The following GTF3C1 variants were observed in gnomAD, a reference collection of about 807,000 sequenced individuals.
GTF3C1 encodes the protein general transcription factor 3C polypeptide 1.
In GTF3C1, 57 loss-of-function variants were observed where a neutral mutation model predicts 226.7. That is an observed-to-expected ratio of 0.25 (90% confidence interval 0.20 to 0.31). GTF3C1 has a LOEUF of 0.31. Ranked by LOEUF, GTF3C1 falls within the 10% of genes least tolerant of loss-of-function variation. The probability of loss-of-function intolerance (pLI) is 1.00; values close to 1 mark genes in which losing one functional copy is unlikely to be tolerated. For missense variants in GTF3C1, 2,217 were observed against 2,776.1 expected (o/e 0.80, Z 4.53); for synonymous variants, 1,090 against 1,084.8 (o/e 1.00, Z -0.09).
At chr16:27,477,802 G>C (rs1196385002) in intron 28 of GTF3C1, among the ~76,000 whole-genome samples, 2 of 152,132 alleles carry the variant, frequency 1.3e-5, no homozygotes, top group Non-Finnish European at 2.9e-5. Flanking sequence ...GCTTACACCT[G>C]TATATTAATC....
Position 27,463,654 on chromosome 16 carries a change from C to T in GTF3C1, c.5873-62G>A. 2 of 896,122 alleles carry T rather than the reference C, an allele frequency of 2.2e-6. No homozygotes were observed. Among genetic ancestry groups the T allele is most frequent in the South Asian group, 1.3e-5 (1 of 76,958 alleles). The allele number at this position is 896,122 out of a possible 1,614,324, so 55.5% of individuals were successfully genotyped here. A position where few individuals can be genotyped will look rare whatever the true frequency, so the allele number is the denominator to read the frequency against. On this transcript the variant is annotated intron_variant, in intron 34 of 36. Transcript: ENST00000356183. The surrounding 1 kb of genome is among the most constrained non-coding windows in gnomAD (Gnocchi z 4.9). ...AGTCAGGGAAGCCATCTCTGCCCTC[C>T]AACCTTCAGCATGGTACCTAGCATG...
chr16:27,548,537 T>G (rs960821662), intron 1 of GTF3C1, among the ~76,000 whole-genome samples: 2 of 152,192 alleles, frequency 1.3e-5, no homozygotes, highest in Admixed American at 6.5e-5. Context: ...AGTACTGGGA[T>G]TGCAGGCATG....
Position 27,489,706 on chromosome 16 carries a change from G to C in GTF3C1, c.3189C>G (p.Ser1063Arg), listed in dbSNP as rs989578742. 4 of 1,612,022 alleles carry C rather than the reference G, an allele frequency of 2.5e-6. No homozygotes were observed. Among genetic ancestry groups the C allele is most frequent in the Non-Finnish European group, 3.4e-6 (4 of 1,179,738 alleles). Reference sequence around the variant, plus strand: ...CCTCCTCGTCGCTGCCCTGGTCTGTGCTGCTGTTCTTCCTGACGCGCGGGC... The same window carrying C: ...CCTCCTCGTCGCTGCCCTGGTCTGTCCTGCTGTTCTTCCTGACGCGCGGGC... The part of the protein sequence containing the change: ...VRCPRVRKNS[S>R]TDQGSDEEGS... Residue 1063 changes from serine to arginine, a missense_variant, in exon 20 of 37, where the codon AGC becomes AGG. By Grantham distance (110) the Ser-to-Arg change is moderately radical (BLOSUM62 -1). This residue lies in a region of GTF3C1 where 353 missense variants were observed against 411.7 expected (regional missense o/e 0.86). Coordinates refer to ENST00000356183, the MANE Select transcript of GTF3C1 (RefSeq NM_001520.4).
intron 28 of GTF3C1, among the ~76,000 whole-genome samples, chr16:27,477,648 G>T (rs138162431): frequency 0.012 from 1,808 of 152,248 alleles, 31 homozygotes; most frequent in African/African-American, 0.041. Context: ...TTATTTTATT[G>T]TAAGAGCACA....
intron 6 of GTF3C1, among the ~76,000 whole-genome samples, chr16:27,524,439 C>T (rs1316805475): frequency 2.0e-5 from 3 of 152,208 alleles, no homozygotes; most frequent in Admixed American, 6.5e-5. Context: ...GTAAGTCTCA[C>T]AATACCCTGG....
chr16:27,489,304 G>T, intron 20 of GTF3C1, 126 bp from the exon 21 acceptor site: 1 of 1,049,452 alleles, frequency 9.5e-7, no homozygotes, highest in Non-Finnish European at 1.4e-6. Flanking sequence ...ACACCCCACA[G>T]GTAGCAATGA....
chr16:27,544,376 C>T (rs1046934779), intron 2 of GTF3C1, among the ~76,000 whole-genome samples: 10 of 151,304 alleles, frequency 6.6e-5, no homozygotes, highest in Non-Finnish European at 1.3e-4. Context: ...CAGAGTGAGA[C>T]TCTGTCTCAA....
At chr16:27,517,530 A>G (rs1464849939) in intron 6 of GTF3C1, among the ~76,000 whole-genome samples, 2 of 152,212 alleles carry the variant, frequency 1.3e-5, no homozygotes, top group Non-Finnish European at 2.9e-5. Context: ...CAGGAACAAA[A>G]GGCAGGTGAG....
chr16:27,520,283 T>A (rs2088725487), intron 6 of GTF3C1, among the ~76,000 whole-genome samples: 1 of 152,020 alleles, frequency 6.6e-6, no homozygotes, highest in Non-Finnish European at 1.5e-5. Context: ...CCCGGCTAAT[T>A]TTTGTATTTT....
chr16:27,532,247 C>A (rs2088927365), intron 5 of GTF3C1, among the ~76,000 whole-genome samples: 1 of 152,192 alleles, frequency 6.6e-6, no homozygotes, highest in African/African-American at 2.4e-5. Context: ...GAGGCTTAGG[C>A]AGGCAGTGAA....
chr16:27,528,668 C>G lies in GTF3C1; in HGVS notation c.903G>C (p.Gly301=), dbSNP rs773869833. 1.2e-6 allele frequency: 2 copies of G among 1,612,978 alleles called. No homozygotes were observed. The highest frequency in any genetic ancestry group is 1.7e-6 in the Non-Finnish European group (2 of 1,178,922). The stretch of plus-strand genomic sequence containing the variant: ...AGCGAAGAGACACCACCTTGGCTAG[C>G]CCGGCGTTCAGCATATACTGGTACA... ...KRLYQYMLNA[G]LAKVVSLRLQ... Residue 301 remains glycine (G), a synonymous_variant, in exon 6 of 37, where the codon GGG becomes GGC. Transcript: ENST00000356183.
At position 27,489,630 on chromosome 16, in the gene GTF3C1, G is replaced by A; in HGVS notation, c.3265C>T (p.Arg1089Cys). The A allele has an allele frequency of 1.2e-6, 2 of 1,610,598 alleles. No individual in the cohort carries two copies. Among genetic ancestry groups the A allele is most frequent in the Non-Finnish European group, 1.7e-6 (2 of 1,179,246 alleles). ...ESAMDKHNLE[R>C]KCAMLEYTTG... Reference sequence around the variant, plus strand: ...GTGTACTCCAGCATGGCGCACTTGCGCTCCAGGTTGTGCTTGTCCATGGCG... The same window carrying A: ...GTGTACTCCAGCATGGCGCACTTGCACTCCAGGTTGTGCTTGTCCATGGCG... The change falls in exon 20 of 37, where the codon CGC (arginine) becomes TGC (cysteine). Residue 1089 changes from arginine (R) to cysteine (C), a missense_variant. Arg to Cys is a radical substitution (Grantham distance 180). Transcript: ENST00000356183.
At position 27,471,694 on chromosome 16, in the gene GTF3C1, C is replaced by A; in HGVS notation, c.4526+54G>T. 1 of 1,410,180 alleles carries A rather than the reference C, an allele frequency of 7.1e-7. No homozygotes were observed. Among genetic ancestry groups the A allele is most frequent in the Non-Finnish European group, 1.0e-6 (1 of 1,000,294 alleles). The allele number at this position is 1,410,180 out of a possible 1,614,324, so 87.4% of individuals were successfully genotyped here. A position where few individuals can be genotyped will look rare whatever the true frequency, so the allele number is the denominator to read the frequency against. On this transcript the variant is annotated intron_variant, in intron 30 of 36. Transcript: ENST00000356183. The surrounding 1 kb of genome is among the most constrained non-coding windows in gnomAD (Gnocchi z 5.0). ...ACAGTGCTTCCTTTGCTCCTCTTTA[C>A]AGACAGGGCGTGGCTCCACCTCGGA...
chr16:27,545,533 A>G lies in GTF3C1; in HGVS notation c.222-10T>C. 1 of 1,521,020 alleles carries G rather than the reference A, an allele frequency of 6.6e-7. No homozygotes were observed. The highest frequency in any genetic ancestry group is 9.1e-7 in the Non-Finnish European group (1 of 1,095,498). The allele number at this position is 1,521,020 out of a possible 1,614,324, so 94.2% of individuals were successfully genotyped here. ...ATCAATTTCTTCATACCTAAGGAGA[A>G]AAACACAAATATCAAAGCCCAACTC... On this transcript the variant is annotated splice_polypyrimidine_tract_variant and intron_variant, in intron 1 of 36. Coordinates refer to ENST00000356183, the MANE Select transcript of GTF3C1 (RefSeq NM_001520.4).
intron 6 of GTF3C1, among the ~76,000 whole-genome samples, chr16:27,516,673 G>A (rs895588396): frequency 7.9e-5 from 12 of 152,090 alleles, no homozygotes; most frequent in African/African-American, 1.4e-4. Context: ...ACAAAGTCTC[G>A]CTTTGTCGTC....
rs13330484 is a variant in GTF3C1 at position 27,472,967 on chromosome 16, A to C, written c.4354-1047T>G. 7.2e-3 allele frequency among the ~76,000 whole-genome samples: 1,100 copies of C among 152,134 alleles called. 16 individuals are homozygous for C. Among genetic ancestry groups the C allele is most frequent in the African/African-American group, 0.025 (1,046 of 41,482 alleles). ...GGTCTCACTCTGTTGCCCAGGCTGG[A>C]GTACAGTGACACCAACATAGCTCAC... On this transcript the variant is annotated intron_variant, in intron 29 of 36. Transcript: ENST00000356183.
rs1365159915 is a variant in GTF3C1, at chr16:27,464,543, G to A, written c.5649C>T (p.Ala1883=). The change falls in exon 34 of 37, where the codon GCC becomes GCT. Residue 1883 remains alanine, a synonymous_variant. Transcript: ENST00000356183. ...TDAEGTQMTP[A]KRPALQDSNL... ...TTGAGTCCTGGAGCGCTGGCCTCTT[G>A]GCAGGGGTCATCTGGGTGCCCTCGG... 4 of 1,504,874 alleles carry A rather than the reference G, an allele frequency of 2.7e-6. No homozygotes were observed. Among genetic ancestry groups the A allele is most frequent in the Non-Finnish European group, 3.5e-6 (4 of 1,126,904 alleles). The allele number at this position is 1,504,874 out of a possible 1,614,324, so 93.2% of individuals were successfully genotyped here.
At chr16:27,497,232 T>A (rs1343279155) in intron 14 of GTF3C1, among the ~76,000 whole-genome samples, 1 of 152,222 alleles carries the variant, frequency 6.6e-6, no homozygotes, top group African/African-American at 2.4e-5. Flanking sequence ...GCTCCAACTC[T>A]GAGGAAATTA....
chr16:27,525,925 CTACTT>C (rs1205603968), intron 6 of GTF3C1, among the ~76,000 whole-genome samples: 1 of 142,638 alleles, frequency 7.0e-6, no homozygotes, highest in Non-Finnish European at 1.5e-5. Flanking sequence ...CTTCTGCTCC[CTACTT>C]TATTTCAGTA....
Sources: gnomAD v4.1 joint callset for allele counts (sites outside exome capture counted in the v4.1 genomes callset) on GRCh38, gnomAD v4.1.1 for gene constraint, gnomAD v4.1.1 regional missense constraint, Gnocchi (gnomAD v3.1) non-coding constraint, MANE v1.5 for transcripts, NCBI Gene and HGNC (gene_info 2026-07-23, HGNC 2026-07-21) for gene names.